R3HCC1L: variants seen among roughly 807,000 people sequenced by gnomAD.
R3HCC1L encodes R3H domain and coiled-coil containing 1 like, also known as coiled-coil domain-containing protein R3HCC1L.
R3HCC1L carries 51 observed loss-of-function variants against 59.9 expected under a neutral mutation model. The ratio of observed to expected loss-of-function variants is 0.85; its 90% CI spans 0.68 to 1.07. The LOEUF (loss-of-function observed/expected upper bound fraction) is 1.07, where lower values mean the gene tolerates loss of function less well. R3HCC1L is among the 50% of genes least tolerant of loss of function. The pLI is 0.00. For missense variants in R3HCC1L, 965 were observed against 933.0 expected, an observed-to-expected ratio of 1.03 and a Z score of -0.45; for synonymous variants, 322 against 315.2, an observed-to-expected ratio of 1.02 and a Z score of -0.23.
chr10:98,170,104 C>T (rs1848372747), intron 4 of R3HCC1L, among the ~76,000 whole-genome samples: 1 of 151,980 alleles, frequency 6.6e-6, no homozygotes, highest in African/African-American at 2.4e-5. Flanking sequence ...GTGATTATTT[C>T]TTCAGCACAA....
At chr10:98,192,462 G>T (rs1476309432) in intron 4 of R3HCC1L, among the ~76,000 whole-genome samples, 2 of 152,064 alleles carry the variant, frequency 1.3e-5, no homozygotes, top group African/African-American at 4.8e-5. Flanking sequence ...TGAAAAAGGA[G>T]ACATTGCAAC....
Position 98,156,110 on chromosome 10 carries a change from C to T in R3HCC1L, c.-250C>T, listed in dbSNP as rs1481484538. The T allele has an allele frequency of 6.6e-6, 1 of 151,224 alleles. No homozygotes were observed. The highest frequency in any genetic ancestry group is 1.5e-5 in the Non-Finnish European group (1 of 67,918). 9.4% of individuals were successfully genotyped at this position (151,224 alleles called of 1,614,324 possible). On this transcript the variant is annotated 5_prime_UTR_variant, in exon 2 of 10. Coordinates refer to ENST00000298999, the MANE Select transcript of R3HCC1L (RefSeq NM_001351015.2). ...TCTTCTAGAGACTTCCAGTGTCCTA[C>T]TATTGAAGCCTGCACCTGCTGCATT...
At position 98,174,133 on chromosome 10, in the gene R3HCC1L, C is replaced by T. The variant is rs1377269305; in HGVS notation, c.-15+10736C>T. ...TAGAGAACATTTCAAAGTACTAATACAATCTTGGGAGAATTGGACTAGAAC... is the reference window on the plus strand; with the variant it reads ...TAGAGAACATTTCAAAGTACTAATATAATCTTGGGAGAATTGGACTAGAAC... On this transcript the variant is annotated intron_variant, in intron 4 of 9. Transcript: ENST00000298999. Among the ~76,000 whole-genome samples, 4 of 152,180 alleles carry T rather than the reference C, an allele frequency of 2.6e-5. No individual in the cohort carries two copies. In the East Asian group the frequency reaches 7.7e-4, roughly 29 times the overall value.
chr10:98,160,856 C>G (rs1847349790), intron 2 of R3HCC1L, among the ~76,000 whole-genome samples: 2 of 152,120 alleles, frequency 1.3e-5, no homozygotes, highest in African/African-American at 4.8e-5. Flanking sequence ...TGTTTTTCCC[C>G]CCTCAGGATT....
intron 2 of R3HCC1L, among the ~76,000 whole-genome samples, chr10:98,157,488 C>T (rs189968622): frequency 1.0e-3 from 157 of 152,354 alleles, no homozygotes; most frequent in Non-Finnish European, 1.6e-3. Context: ...CAGGATCGCT[C>T]CTTTCACCCA....
intron 2 of R3HCC1L, among the ~76,000 whole-genome samples, chr10:98,157,339 G>T (rs1846979147): frequency 6.6e-6 from 1 of 152,180 alleles, no homozygotes; most frequent in Non-Finnish European, 1.5e-5. Context: ...TGGGGCGATA[G>T]ATTTTAGGTT....
chr10:98,161,833 A>G (rs543894014), intron 2 of R3HCC1L, among the ~76,000 whole-genome samples: 165 of 152,238 alleles, frequency 1.1e-3, no homozygotes, highest in South Asian at 8.9e-3. Flanking sequence ...TAAAATTTTT[A>G]GTGTTTTCCT....
chr10:98,163,189 T>G (rs1847611108), intron 3 of R3HCC1L, 104 bp from the exon 4 acceptor site: 2 of 371,564 alleles, frequency 5.4e-6, no homozygotes, highest in South Asian at 1.1e-4. Context: ...TGTGTTAAAC[T>G]CTTAGATTTA....
chr10:98,193,378 AT>A (rs1328264030), intron 4 of R3HCC1L, among the ~76,000 whole-genome samples: 2 of 152,084 alleles, frequency 1.3e-5, no homozygotes, highest in Admixed American at 6.5e-5. Context: ...ACCAAAAAAA[AT>A]AAAAAATAAA....
intron 6 of R3HCC1L, among the ~76,000 whole-genome samples, chr10:98,232,556 A>G (rs1468053627): frequency 6.6e-6 from 1 of 152,220 alleles, no homozygotes; most frequent in African/African-American, 2.4e-5. Flanking sequence ...CCAGAAAGAA[A>G]GTTATTAAGA....
At chr10:98,172,191 A>G (rs989945455) in intron 4 of R3HCC1L, among the ~76,000 whole-genome samples, 1 of 152,162 alleles carries the variant, frequency 6.6e-6, no homozygotes, top group African/African-American at 2.4e-5. Context: ...TCCACGGGAT[A>G]TACACGTATT....
At chr10:98,135,931 AT>A (rs543542570) in intron 1 of R3HCC1L, among the ~76,000 whole-genome samples, 2 of 151,542 alleles carry the variant, frequency 1.3e-5, no homozygotes, top group Non-Finnish European at 2.9e-5. Flanking sequence ...CATCTGTTTA[AT>A]TTTTTTTGAC....
At chr10:98,152,001 G>C (rs552751964) in intron 1 of R3HCC1L, among the ~76,000 whole-genome samples, 15 of 151,986 alleles carry the variant, frequency 9.9e-5, no homozygotes, top group East Asian at 7.7e-4. Flanking sequence ...CTCTGATGCC[G>C]AGCCGAAGCT....
At chr10:98,152,437 C>T (rs1474567574) in intron 1 of R3HCC1L, among the ~76,000 whole-genome samples, 3 of 147,806 alleles carry the variant, frequency 2.0e-5, no homozygotes, top group East Asian at 4.1e-4. Flanking sequence ...TGAGGAGCCC[C>T]TCTGCTCGGC....
At chr10:98,228,638 T>C (rs1248466540) in intron 5 of R3HCC1L, among the ~76,000 whole-genome samples, 2 of 152,216 alleles carry the variant, frequency 1.3e-5, no homozygotes, top group Non-Finnish European at 2.9e-5. Context: ...TTTTGGTGTT[T>C]TAGACATGAA....
chr10:98,185,803 T>C (rs1449425481), intron 4 of R3HCC1L, among the ~76,000 whole-genome samples: 1 of 152,210 alleles, frequency 6.6e-6, no homozygotes, highest in Non-Finnish European at 1.5e-5. Flanking sequence ...GACTAGCTAA[T>C]GGTTTTGAAA....
chr10:98,165,575 T>C (rs1226496034), intron 4 of R3HCC1L, among the ~76,000 whole-genome samples: 1 of 152,234 alleles, frequency 6.6e-6, no homozygotes, highest in Non-Finnish European at 1.5e-5. Flanking sequence ...ATAGCAAGCA[T>C]TGTCAGACAT....
intron 1 of R3HCC1L, among the ~76,000 whole-genome samples, chr10:98,138,004 C>T (rs934831472): frequency 6.6e-6 from 1 of 151,174 alleles, no homozygotes; most frequent in Non-Finnish European, 1.5e-5. Context: ...GTGACTGATG[C>T]TAATGATGGC....
At position 98,209,295 on chromosome 10, in the gene R3HCC1L, C is replaced by G. The variant is rs758353915; in HGVS notation, c.1181C>G (p.Pro394Arg). ...SCSDHVTVDSPYVVAVRIADE... is the reference protein window; with the variant it reads ...SCSDHVTVDSRYVVAVRIADE... ...AGTGATCATGTAACTGTTGATAGCC[C>G]TTATGTAGTTGCAGTTAGAATAGCT... Residue 394 changes from proline (P) to arginine (R), a missense_variant, in exon 5 of 10, where the codon CCT becomes CGT. Coordinates refer to ENST00000298999, the MANE Select transcript of R3HCC1L (RefSeq NM_001351015.2). 2 of 1,613,860 alleles carry G rather than the reference C, an allele frequency of 1.2e-6. No individual in the cohort carries two copies. The highest frequency in any genetic ancestry group is 2.2e-5 in the South Asian group (2 of 91,062).
Sources: gnomAD v4.1 joint callset for allele counts (sites outside exome capture counted in the v4.1 genomes callset) on GRCh38, gnomAD v4.1.1 for gene constraint, MANE v1.5 for transcripts, NCBI Gene and HGNC (gene_info 2026-07-23, HGNC 2026-07-21) for gene names.